LPP: variants seen among roughly 807,000 people sequenced by gnomAD.
LPP encodes lipoma-preferred partner.
A neutral mutation model predicts 60.4 loss-of-function variants in LPP; 38 were observed. The observed-to-expected ratio is 0.63, with a 90% confidence interval of 0.49 to 0.83. LPP has a LOEUF of 0.83. Ranked by LOEUF, LPP falls within the 40% of genes least tolerant of loss-of-function variation. The pLI is 0.00. For missense variants in LPP, 902 were observed against 783.6 expected (o/e 1.15, Z -1.80); for synonymous variants, 328 against 290.8 (o/e 1.13, Z -1.30).
intron 2 of LPP, among the ~76,000 whole-genome samples, chr3:188,256,865 A>G (rs1731840488): frequency 1.3e-5 from 2 of 152,200 alleles, no homozygotes; most frequent in South Asian, 4.1e-4. Context: ...GGAGGTACAC[A>G]TGCATACGTG....
chr3:188,722,335 C>T (rs1218547264), intron 8 of LPP, among the ~76,000 whole-genome samples: 1 of 152,158 alleles, frequency 6.6e-6, no homozygotes, highest in Non-Finnish European at 1.5e-5. Flanking sequence ...CTAATGGTAA[C>T]TGGCATATGT....
At chr3:188,663,663 T>G (rs1291211309) in intron 7 of LPP, among the ~76,000 whole-genome samples, 1 of 152,242 alleles carries the variant, frequency 6.6e-6, no homozygotes, top group African/African-American at 2.4e-5. Flanking sequence ...TTTTCAGGAC[T>G]GTAATTGGGC....
chr3:188,449,112 C>A (rs931295092), intron 4 of LPP, among the ~76,000 whole-genome samples: 3 of 152,148 alleles, frequency 2.0e-5, no homozygotes, highest in African/African-American at 7.2e-5. Context: ...TCCTTGGAAC[C>A]AGGAGTTTTG....
chr3:188,351,775 C>A (rs1331973634), intron 3 of LPP, among the ~76,000 whole-genome samples: 3 of 152,106 alleles, frequency 2.0e-5, no homozygotes, highest in Non-Finnish European at 1.5e-5. Context: ...GAGTAGCATG[C>A]ATGGCTCTTC....
At chr3:188,639,705 A>G (rs1849641132) in intron 7 of LPP, among the ~76,000 whole-genome samples, 1 of 152,076 alleles carries the variant, frequency 6.6e-6, no homozygotes, top group Non-Finnish European at 1.5e-5. Context: ...AAGTGGGCGA[A>G]GGACATGAAC....
At chr3:188,214,216 C>T (rs1163164286) in intron 1 of LPP, among the ~76,000 whole-genome samples, 3 of 152,044 alleles carry the variant, frequency 2.0e-5, no homozygotes, top group African/African-American at 4.8e-5. Context: ...CTGCAACCTC[C>T]GCCTCCTGGG....
Position 188,514,642 on chromosome 3 carries a change from A to T in LPP, c.307-10023A>T, listed in dbSNP as rs1443811601. 2.0e-5 allele frequency among the ~76,000 whole-genome samples: 3 copies of T among 152,144 alleles called. No individual in the cohort carries two copies. In the East Asian group the frequency reaches 5.8e-4, roughly 29 times the overall value. ...TTTTTAGTAGAGATGGCGTTTCGCC[A>T]TGTTGGCCAGGCTGGTCTTGAACTC... is the stretch of plus-strand genomic sequence containing the variant. On this transcript the variant is annotated intron_variant, in intron 5 of 11. Transcript: ENST00000617246.
intron 9 of LPP, among the ~76,000 whole-genome samples, chr3:188,828,159 A>G (rs1756082172): frequency 6.6e-6 from 1 of 152,132 alleles, no homozygotes; most frequent in African/African-American, 2.4e-5. Flanking sequence ...TTTCCATTCT[A>G]GTGGGGACAC....
At chr3:188,855,815 G>A (rs1436263166) in intron 9 of LPP, among the ~76,000 whole-genome samples, 1 of 152,114 alleles carries the variant, frequency 6.6e-6, no homozygotes, top group Non-Finnish European at 1.5e-5. Context: ...GCCCAGGGAG[G>A]AAATGCTTTG....
Position 188,706,652 on chromosome 3 carries a change from C to T in LPP, c.1114-1615C>T, listed in dbSNP as rs909462116. On this transcript the variant is annotated intron_variant, in intron 7 of 11. Coordinates refer to ENST00000617246, the MANE Select transcript of LPP (RefSeq NM_001375462.1). ...TTGTAGTAAATGTTGGGAATGATAG[C>T]ATGTGTTCAGAGATTTGTACTTTAC... Among the ~76,000 whole-genome samples the T allele has an allele frequency of 7.2e-5, 11 of 152,164 alleles. No individual in the cohort carries two copies. The East Asian group carries it at 7.7e-4, about 11-fold the overall frequency.
At position 188,887,976 on chromosome 3, in the gene LPP, T is replaced by G. The variant is rs1770870692; in HGVS notation, c.*13497T>G. 1 of 208,898 alleles carries G rather than the reference T, an allele frequency of 4.8e-6. No individual in the cohort carries two copies. Among genetic ancestry groups the G allele is most frequent in the African/African-American group, 2.3e-5 (1 of 43,968 alleles). 12.9% of individuals were successfully genotyped at this position (208,898 alleles called of 1,614,324 possible). On this transcript the variant is annotated 3_prime_UTR_variant, in exon 12 of 12. Coordinates refer to ENST00000617246, the MANE Select transcript of LPP (RefSeq NM_001375462.1). The stretch of plus-strand genomic sequence containing the variant: ...TTCAAGAAATATCTCAAAGAGCAAA[T>G]AGAATTAAACATGACACTTGATTGT...
intron 2 of LPP, among the ~76,000 whole-genome samples, chr3:188,253,620 T>G (rs1392933164): frequency 6.6e-6 from 1 of 152,194 alleles, no homozygotes; most frequent in Non-Finnish European, 1.5e-5. Context: ...AGGTCCCAGG[T>G]AGATAATGAC....
chr3:188,415,652 C>T (rs909570968), intron 4 of LPP, among the ~76,000 whole-genome samples: 2 of 151,680 alleles, frequency 1.3e-5, no homozygotes, highest in Non-Finnish European at 2.9e-5. Context: ...ATGCAATAAC[C>T]TGGACATGCT....
intron 5 of LPP, among the ~76,000 whole-genome samples, chr3:188,518,986 T>C (rs1818151690): frequency 6.6e-6 from 1 of 152,174 alleles, no homozygotes; most frequent in East Asian, 1.9e-4. Flanking sequence ...GTTAACGTAT[T>C]AGGCAAGATA....
intron 10 of LPP, 88 bp from the exon 11 acceptor site, chr3:188,872,555 T>C: frequency 6.8e-7 from 1 of 1,466,880 alleles, no homozygotes; most frequent in South Asian, 1.2e-5. Flanking sequence ...GTATACCGAC[T>C]CTCAGTTTCC....
chr3:188,284,919 A>G (rs563708810), intron 2 of LPP, among the ~76,000 whole-genome samples: 102 of 152,228 alleles, frequency 6.7e-4, no homozygotes, highest in African/African-American at 2.3e-3. Flanking sequence ...GACTCGAATC[A>G]TTCCTCTGTT....
chr3:188,563,678 A>G (rs964693487), intron 6 of LPP, among the ~76,000 whole-genome samples: 1 of 147,910 alleles, frequency 6.8e-6, no homozygotes, highest in Non-Finnish European at 1.5e-5. Context: ...TTGCATATGT[A>G]TCTTTGTGTA....
At chr3:188,158,790 TCA>T (rs1449097969) in intron 1 of LPP, among the ~76,000 whole-genome samples, 1 of 152,210 alleles carries the variant, frequency 6.6e-6, no homozygotes, top group East Asian at 1.9e-4. Context: ...TATAGCCTCT[TCA>T]CCACTCTTTT....
chr3:188,170,134 T>C lies in LPP; in HGVS notation c.-190+15882T>C, dbSNP rs987981054. Among the ~76,000 whole-genome samples the C allele has an allele frequency of 1.3e-5, 2 of 152,078 alleles. 1 individual carries two copies. The highest frequency in any genetic ancestry group is 1.3e-4 in the Admixed American group (2 of 15,272). On this transcript the variant is annotated intron_variant, in intron 1 of 11. Coordinates refer to ENST00000617246, the MANE Select transcript of LPP (RefSeq NM_001375462.1). ...TTATTATAGCCTGAATATGGAGAGGTAAGAGGCAATGAATTTTTTGGCGCA... is the reference window on the plus strand; with the variant it reads ...TTATTATAGCCTGAATATGGAGAGGCAAGAGGCAATGAATTTTTTGGCGCA...
Sources: gnomAD v4.1 joint callset for allele counts (sites outside exome capture counted in the v4.1 genomes callset) on GRCh38, gnomAD v4.1.1 for gene constraint, MANE v1.5 for transcripts, NCBI Gene and HGNC (gene_info 2026-07-23, HGNC 2026-07-21) for gene names.